The following HSPA12A variants were observed in gnomAD, a reference collection of about 807,000 sequenced individuals.
HSPA12A encodes the protein heat shock 70 kDa protein 12A.
HSPA12A carries 28 observed loss-of-function variants against 69.2 expected under a neutral mutation model. The observed-to-expected ratio is 0.40, with a 90% CI of 0.30 to 0.55. HSPA12A has a LOEUF of 0.55. Ranked by LOEUF, HSPA12A falls within the 20% of genes least tolerant of loss-of-function variation. The pLI, the probability that HSPA12A is intolerant of heterozygous loss-of-function variation, is 0.38. For missense variants in HSPA12A, 686 were observed against 900.7 expected, an observed-to-expected ratio of 0.76 and a Z score of 3.05; for synonymous variants, 345 against 370.5, an observed-to-expected ratio of 0.93 and a Z score of 0.79.
At chr10:116,757,126 A>T (rs1843867697) in intron 2 of HSPA12A, among the ~76,000 whole-genome samples, 1 of 152,130 alleles carries the variant, frequency 6.6e-6, no homozygotes, top group African/African-American at 2.4e-5. Flanking sequence ...AACTCTGACC[A>T]CTCTGGTGCT....
intron 4 of HSPA12A, 73 bp downstream of exon 4, chr10:116,700,869 TC>T: frequency 6.7e-7 from 1 of 1,484,400 alleles, no homozygotes; most frequent in Non-Finnish European, 9.2e-7. Context: ...GGACATCCCT[TC>T]CCCACCCCAA....
At chr10:116,777,945 C>G (rs1554891312) in intron 2 of HSPA12A, among the ~76,000 whole-genome samples, 1 of 152,164 alleles carries the variant, frequency 6.6e-6, no homozygotes. Context: ...CTGGGCTGGT[C>G]TCAAACTCCT....
chr10:116,738,418 C>T (rs537655999), intron 1 of HSPA12A, among the ~76,000 whole-genome samples: 87 of 152,254 alleles, frequency 5.7e-4, no homozygotes, highest in African/African-American at 2.0e-3. Context: ...ACGCCTTTCT[C>T]GGAAGAAAGA....
At chr10:116,838,807 G>A (rs1186792985) in intron 1 of HSPA12A, among the ~76,000 whole-genome samples, 1 of 152,202 alleles carries the variant, frequency 6.6e-6, no homozygotes, top group Non-Finnish European at 1.5e-5. Context: ...AGGCACAGCC[G>A]GTTAAATGCA....
exon 1 of HSPA12A, chr10:116,849,578 A>C (rs1427580461): frequency 1.3e-6 from 2 of 1,543,568 alleles, no homozygotes; most frequent in Non-Finnish European, 1.7e-6. Flanking sequence ...TGGAGGAAGA[A>C]GGCGGCGGCC....
In HSPA12A at chr10:116,674,898, G is replaced by A. The variant is rs781805969; in HGVS notation, c.1911C>T (p.Pro637=). The A allele has an allele frequency of 1.2e-5, 20 of 1,613,992 alleles. No individual in the cohort carries two copies. Among genetic ancestry groups the A allele is most frequent in the Admixed American group, 6.7e-5 (4 of 60,006 alleles). Residue 637 remains proline, a synonymous_variant, in exon 12 of 12, where the codon CCC becomes CCT. Coordinates refer to ENST00000369209, the MANE Select transcript of HSPA12A (RefSeq NM_025015.3). ...TAAGGGTCTGGATCTCCCTCCGGGC[G>A]GGCACCGCAGTGCCACTGGTCCCTG... ...DLTGTSGTAV[P]ARREIQTLMQ...
intron 3 of HSPA12A, 134 bp from the exon 4 acceptor site, chr10:116,701,263 G>C: frequency 2.6e-6 from 2 of 761,032 alleles, no homozygotes; most frequent in Non-Finnish European, 4.3e-6. Flanking sequence ...TCAGCTGGAT[G>C]AGCAGCTACT....
intron 2 of HSPA12A, chr10:116,834,901 G>A (rs1845682013): frequency 1.7e-6 from 2 of 1,157,554 alleles, no homozygotes; most frequent in Non-Finnish European, 1.1e-6. Flanking sequence ...TCAGATGCCA[G>A]TTTGATACTT....
At chr10:116,823,598 C>A (rs1036962271) in intron 2 of HSPA12A, among the ~76,000 whole-genome samples, 6 of 152,178 alleles carry the variant, frequency 3.9e-5, no homozygotes, top group African/African-American at 1.4e-4. Flanking sequence ...TAAACCCTCA[C>A]ATGTATAGTC....
At chr10:116,704,712 C>G (rs1850189260) in intron 3 of HSPA12A, among the ~76,000 whole-genome samples, 2 of 152,220 alleles carry the variant, frequency 1.3e-5, no homozygotes, top group African/African-American at 2.4e-5. Flanking sequence ...TTCATTTGCA[C>G]ACACACATTG....
intron 2 of HSPA12A, among the ~76,000 whole-genome samples, chr10:116,807,398 A>C (rs1258050798): frequency 6.6e-6 from 1 of 152,066 alleles, no homozygotes; most frequent in Non-Finnish European, 1.5e-5. Context: ...CTTAGAGCTC[A>C]TATCAGCCCT....
rs571072995 is a variant in HSPA12A at position 116,828,131 on chromosome 10, C to T, written c.91+6804G>A. ...AAAGTCCCTTTTGAAATAAGACAGG[C>T]ATTTATAGAATAAAAGGAAGAGCTG... On this transcript the variant is annotated intron_variant, in intron 2 of 12. Coordinates refer to the HSPA12A transcript ENST00000635765. Among the ~76,000 whole-genome samples, 134 of 152,254 alleles carry T rather than the reference C, an allele frequency of 8.8e-4. 2 individuals are homozygous for T. In the South Asian group the frequency reaches 0.027, roughly 30 times the overall value.
intron 1 of HSPA12A, among the ~76,000 whole-genome samples, chr10:116,840,300 G>A (rs1386811546): frequency 6.6e-6 from 1 of 152,054 alleles, no homozygotes; most frequent in African/African-American, 2.4e-5. Flanking sequence ...ATTTAAAATG[G>A]CTGTATTTTC....
intron 8 of HSPA12A, 39 bp downstream of exon 8, chr10:116,681,752 G>A: frequency 6.4e-7 from 1 of 1,574,746 alleles, no homozygotes; most frequent in Non-Finnish European, 8.7e-7. Flanking sequence ...AGCAGCACAG[G>A]AAAATCCAGC....
chr10:116,812,089 T>C (rs1845200512), intron 2 of HSPA12A, among the ~76,000 whole-genome samples: 1 of 152,168 alleles, frequency 6.6e-6, no homozygotes, highest in African/African-American at 2.4e-5. Context: ...CTGGGAAAAG[T>C]GGCCCTTTAC....
intron 2 of HSPA12A, among the ~76,000 whole-genome samples, chr10:116,706,535 G>A (rs1554882470): frequency 6.6e-6 from 1 of 152,170 alleles, no homozygotes; most frequent in Non-Finnish European, 1.5e-5. Context: ...TTCTCCCTGG[G>A]TCTTCTTTGT....
In HSPA12A at chr10:116,675,756, G is replaced by T. The variant is rs1218208169; in HGVS notation, c.1391-338C>A. ...GGTTCTGTTGGGTAAGTCAAGGCAG[G>T]TTGTTATAAATAGAATTCTCTGATT... is the stretch of plus-strand genomic sequence containing the variant. On this transcript the variant is annotated intron_variant, in intron 11 of 11. Coordinates refer to ENST00000369209, the MANE Select transcript of HSPA12A (RefSeq NM_025015.3). This position sits in a 1 kb window ranked among gnomAD's most constrained non-coding sequence, Gnocchi z 5.2. Among the ~76,000 whole-genome samples, 1 of 152,192 alleles carries T rather than the reference G, an allele frequency of 6.6e-6. No individual in the cohort carries two copies. The highest frequency in any genetic ancestry group is 1.5e-5 in the Non-Finnish European group (1 of 68,044).
intron 2 of HSPA12A, among the ~76,000 whole-genome samples, chr10:116,825,375 G>A (rs1845484291): frequency 6.6e-6 from 1 of 151,890 alleles, no homozygotes; most frequent in Non-Finnish European, 1.5e-5. Context: ...CCAGGGCATG[G>A]TGGCTCGTGC....
chr10:116,775,489 C>T (rs756387821), intron 2 of HSPA12A, among the ~76,000 whole-genome samples: 7 of 152,162 alleles, frequency 4.6e-5, no homozygotes, highest in Non-Finnish European at 1.0e-4. Flanking sequence ...AACAGGAAAT[C>T]TAACATTGAC....
Sources: gnomAD v4.1 joint callset for allele counts (sites outside exome capture counted in the v4.1 genomes callset) on GRCh38, gnomAD v4.1.1 for gene constraint, Gnocchi (gnomAD v3.1) non-coding constraint, MANE v1.5 for transcripts, NCBI Gene and HGNC (gene_info 2026-07-23, HGNC 2026-07-21) for gene names.